Variants in PHF24 observed in about 807,000 individuals in gnomAD.
PHF24 encodes the protein PHD finger protein 24, also known as Galpha inhibitory interacting protein.
A neutral mutation model predicts 42.6 loss-of-function variants in PHF24; 25 were observed. The ratio of observed to expected loss-of-function variants is 0.59; its 90% CI spans 0.43 to 0.82. The LOEUF (loss-of-function observed/expected upper bound fraction) is 0.82, where lower values mean the gene tolerates loss of function less well. Among genes scored for constraint, PHF24 ranks in the 40% least tolerant of loss-of-function variants. The pLI, the probability that PHF24 is intolerant of heterozygous loss-of-function variation, is 0.00. For missense variants in PHF24, 470 were observed against 538.1 expected, an observed-to-expected ratio of 0.87 and a Z score of 1.25; for synonymous variants, 185 against 204.8, an observed-to-expected ratio of 0.90 and a Z score of 0.83.
the PHF24 span, chr9:34,837,597 G>A: frequency 7.5e-7 from 1 of 1,337,638 alleles, no homozygotes; most frequent in South Asian, 1.3e-5. Context: ...TAGAGGGACA[G>A]GATTCATAGG....
the PHF24 span, among the ~76,000 whole-genome samples, chr9:34,899,183 A>G: frequency 1.5e-4 from 23 of 152,202 alleles, no homozygotes; most frequent in African/African-American, 5.1e-4. Flanking sequence ...CTCGTGGTTG[A>G]GAGCGAACAG....
the PHF24 span, among the ~76,000 whole-genome samples, chr9:34,943,564 C>T: frequency 6.6e-6 from 1 of 152,098 alleles, no homozygotes; most frequent in Non-Finnish European, 1.5e-5. Flanking sequence ...ACTGTGTATC[C>T]AGTAGTCCTC....
At chr9:34,833,401 A>G in the PHF24 span, 3 of 1,550,952 alleles carry the variant, frequency 1.9e-6, no homozygotes, top group Non-Finnish European at 2.6e-6. Context: ...CCTTCAAGTC[A>G]TTGGCCAGCT....
the PHF24 span, chr9:34,917,791 T>C: frequency 2.5e-6 from 3 of 1,213,272 alleles, no homozygotes; most frequent in Non-Finnish European, 3.7e-6. Flanking sequence ...GAATTTCAAA[T>C]TGGACCCTGT....
At chr9:34,854,933 G>C in the PHF24 span, among the ~76,000 whole-genome samples, 2 of 152,160 alleles carry the variant, frequency 1.3e-5, no homozygotes, top group African/African-American at 4.8e-5. Flanking sequence ...AGGTCTCTAA[G>C]AACTTGTTTT....
chr9:34,865,610 C>T, the PHF24 span, among the ~76,000 whole-genome samples: 2 of 151,910 alleles, frequency 1.3e-5, no homozygotes, highest in African/African-American at 4.8e-5. Context: ...TAAATGAAAG[C>T]TTCATGGTAG....
chr9:34,883,169 A>T, the PHF24 span, among the ~76,000 whole-genome samples: 1 of 152,236 alleles, frequency 6.6e-6, no homozygotes, highest in Non-Finnish European at 1.5e-5. Context: ...ATATGTAGAA[A>T]GCTGAAACTG....
chr9:34,683,468 A>G, the PHF24 span, among the ~76,000 whole-genome samples: 2 of 152,254 alleles, frequency 1.3e-5, no homozygotes, highest in Non-Finnish European at 2.9e-5. Flanking sequence ...GCCCATCACC[A>G]GCCCTCCACT....
chr9:34,831,160 C>A, the PHF24 span, among the ~76,000 whole-genome samples: 1 of 152,204 alleles, frequency 6.6e-6, no homozygotes, highest in African/African-American at 2.4e-5. Flanking sequence ...CAGTGGGACA[C>A]AATGAAGAGA....
the PHF24 span, chr9:34,725,202 T>C: frequency 1.3e-5 from 19 of 1,499,326 alleles, no homozygotes; most frequent in African/African-American, 5.7e-5. Flanking sequence ...TTGGAGTCGA[T>C]GTGGCTCTGC....
chr9:34,690,233 A>G, the PHF24 span: 1 of 1,614,178 alleles, frequency 6.2e-7, no homozygotes, highest in African/African-American at 1.3e-5. Flanking sequence ...CCCTGCAGCC[A>G]TCCTTGATGA....
chr9:34,692,156 C>T, the PHF24 span, among the ~76,000 whole-genome samples: 1 of 152,132 alleles, frequency 6.6e-6, no homozygotes, highest in Non-Finnish European at 1.5e-5. Flanking sequence ...AGTCACCCGT[C>T]GTCACCCAAA....
the PHF24 span, chr9:34,922,538 G>T: frequency 1.0e-6 from 1 of 991,540 alleles, no homozygotes; most frequent in Non-Finnish European, 1.6e-6. Context: ...CCTCAGCCAA[G>T]TAATGGTAGT....
chr9:34,925,519 AAT>A, the PHF24 span, among the ~76,000 whole-genome samples: 1 of 151,980 alleles, frequency 6.6e-6, no homozygotes, highest in Non-Finnish European at 1.5e-5. Flanking sequence ...GTGTGCCAAA[AAT>A]TTAGTAGGCT....
the PHF24 span, among the ~76,000 whole-genome samples, chr9:34,883,060 C>T: frequency 6.6e-6 from 1 of 152,144 alleles, no homozygotes; most frequent in East Asian, 1.9e-4. Context: ...AATAATGCCG[C>T]ATATCTACAA....
chr9:34,871,954 T>C, the PHF24 span, among the ~76,000 whole-genome samples: 3 of 152,208 alleles, frequency 2.0e-5, no homozygotes, highest in Admixed American at 2.0e-4. Context: ...GCATCAAAGC[T>C]GTAGATCAAG....
chr9:34,730,304 A>C, the PHF24 span, among the ~76,000 whole-genome samples: 1 of 152,196 alleles, frequency 6.6e-6, no homozygotes, highest in Non-Finnish European at 1.5e-5. Context: ...CATTACTTCC[A>C]TAGCCAGACT....
At chr9:34,942,112 C>G in the PHF24 span, among the ~76,000 whole-genome samples, 1 of 152,200 alleles carries the variant, frequency 6.6e-6, no homozygotes, top group Non-Finnish European at 1.5e-5. Context: ...CATACTGCAT[C>G]TTTTCCTACC....
At chr9:34,767,322 G>C in the PHF24 span, among the ~76,000 whole-genome samples, 1 of 152,242 alleles carries the variant, frequency 6.6e-6, no homozygotes, top group Non-Finnish European at 1.5e-5. Flanking sequence ...GCCCACAGAG[G>C]CATGCAGGCC....
Sources: allele counts gnomAD v4.1 joint callset (sites outside exome capture counted in the v4.1 genomes callset), GRCh38; gene constraint gnomAD v4.1.1; transcripts MANE v1.5; gene names NCBI Gene and HGNC (gene_info 2026-07-23, HGNC 2026-07-21).